ANKRD55: variants seen among roughly 807,000 people sequenced by gnomAD.
ANKRD55 encodes ankyrin repeat domain 55, also known as ankyrin repeat domain-containing protein 55.
ANKRD55 carries 41 observed loss-of-function variants against 60.6 expected under a neutral mutation model. The ratio of observed to expected loss-of-function variants is 0.68; its 90% confidence interval spans 0.53 to 0.88. The LOEUF (loss-of-function observed/expected upper bound fraction) is 0.88. Ranked by LOEUF, ANKRD55 falls within the 40% of genes least tolerant of loss-of-function variation. ANKRD55 has a pLI of 0.00. For synonymous variants in ANKRD55, 264 were observed against 290.3 expected (o/e 0.91, Z 0.92); for missense variants, 732 against 767.6 (o/e 0.95, Z 0.55).
At chr5:56,103,755 A>T (rs1046989197) in intron 10 of ANKRD55, among the ~76,000 whole-genome samples, 8 of 152,374 alleles carry the variant, frequency 5.3e-5, no homozygotes, top group Middle Eastern at 3.4e-3. Flanking sequence ...TTTGCCTATC[A>T]GTCTAGTAAG....
chr5:56,127,019 A>T lies in ANKRD55; in HGVS notation c.700T>A (p.Cys234Ser). 1 of 1,613,950 alleles carries T rather than the reference A, an allele frequency of 6.2e-7. No homozygotes were observed. The highest frequency in any genetic ancestry group is 1.3e-5 in the African/African-American group (1 of 75,008). ...CCCGCTGCCGCTGCGATATGTACACATGTCTTCCCACTCTCATCATCATAG... is the reference window on the plus strand; with the variant it reads ...CCCGCTGCCGCTGCGATATGTACACTTGTCTTCCCACTCTCATCATCATAG... ...INYDDESGKT[C>S]VHIAAAAGFS... is the part of the protein sequence containing the mutation. The change falls in exon 8 of 12, where the codon TGT becomes AGT. Residue 234 changes from cysteine (C) to serine (S), a missense_variant. Cys to Ser is a moderately radical substitution (Grantham distance 112). Around this residue, in one of 3 missense-constraint regions of ANKRD55, gnomAD observed 597 missense variants for 607.5 expected, o/e 0.98. Transcript: ENST00000341048.
At chr5:56,129,898 A>G (rs1757365701) in intron 7 of ANKRD55, among the ~76,000 whole-genome samples, 2 of 152,222 alleles carry the variant, frequency 1.3e-5, no homozygotes, top group Non-Finnish European at 2.9e-5. Flanking sequence ...ATGTGAGAAG[A>G]TGATCCTGGC....
At chr5:56,166,139 T>TTTC (rs1758461374) in intron 5 of ANKRD55, among the ~76,000 whole-genome samples, 2 of 100,942 alleles carry the variant, frequency 2.0e-5, no homozygotes, top group African/African-American at 1.1e-4. Context: ...TCTTTCTTTC[T>TTTC]TTCTTTCTTT....
At chr5:56,151,737 C>T (rs2111776441) in intron 6 of ANKRD55, among the ~76,000 whole-genome samples, 1 of 151,406 alleles carries the variant, frequency 6.6e-6, no homozygotes, top group South Asian at 2.1e-4. Flanking sequence ...CACTTGAACC[C>T]AAGAGGCGGA....
intron 2 of ANKRD55, among the ~76,000 whole-genome samples, chr5:56,190,326 T>C (rs1040838930): frequency 1.3e-5 from 2 of 152,226 alleles, no homozygotes; most frequent in Admixed American, 1.3e-4. Flanking sequence ...CTTTTAATTT[T>C]GATGTAGTCT....
At chr5:56,135,263 T>TTCCTTCC (rs1757535337) in intron 7 of ANKRD55, among the ~76,000 whole-genome samples, 1 of 92,054 alleles carries the variant, frequency 1.1e-5, no homozygotes, top group African/African-American at 4.5e-5. Flanking sequence ...TCCTTCCTTC[T>TTCCTTCC]TTCCCTCCCT....
chr5:56,223,926 C>A (rs1402634624), intron 2 of ANKRD55, among the ~76,000 whole-genome samples: 1 of 152,074 alleles, frequency 6.6e-6, no homozygotes, highest in Non-Finnish European at 1.5e-5. Flanking sequence ...TAGACAGATC[C>A]ATGAGACAGA....
At chr5:56,129,442 TG>T (rs1418947152) in intron 7 of ANKRD55, among the ~76,000 whole-genome samples, 11 of 152,326 alleles carry the variant, frequency 7.2e-5, no homozygotes, top group African/African-American at 2.6e-4. Flanking sequence ...ATTGCCTTCA[TG>T]TATTCTGAAA....
intron 5 of ANKRD55, 58 bp downstream of exon 5, chr5:56,170,636 C>G (rs1758589637): frequency 7.3e-7 from 1 of 1,369,184 alleles, no homozygotes; most frequent in Middle Eastern, 1.8e-4. Context: ...ATTAGATGAC[C>G]TTCTCATACA....
chr5:56,186,900 A>G (rs904180618), intron 2 of ANKRD55, among the ~76,000 whole-genome samples: 10 of 152,206 alleles, frequency 6.6e-5, no homozygotes, highest in African/African-American at 1.9e-4. Context: ...TTCAGGAGGA[A>G]GATCCTGGTG....
In ANKRD55 at chr5:56,193,175, G is replaced by A. The variant is rs1030471703; in HGVS notation, c.59-9541C>T. 9.8e-6 allele frequency: 7 copies of A among 711,640 alleles called. No individual in the cohort carries two copies. In the African/African-American group the frequency reaches 1.1e-4, roughly 11 times the overall value. 44.1% of individuals were successfully genotyped at this position (711,640 alleles called of 1,614,324 possible). The stretch of plus-strand genomic sequence containing the variant: ...TGTAAAACAGGGCTGTATGAGTGGA[G>A]GAGCAGGATATTTACTAAGCAAAGA... On this transcript the variant is annotated intron_variant, in intron 2 of 11. Transcript: ENST00000341048.
At chr5:56,175,093 C>T (rs1451226854) in intron 4 of ANKRD55, among the ~76,000 whole-genome samples, 1 of 152,182 alleles carries the variant, frequency 6.6e-6, no homozygotes, top group Non-Finnish European at 1.5e-5. Flanking sequence ...AATTTCTTCC[C>T]AGATTTGCAT....
intron 6 of ANKRD55, among the ~76,000 whole-genome samples, chr5:56,151,005 T>C (rs369035608): frequency 4.6e-5 from 7 of 152,356 alleles, no homozygotes; most frequent in African/African-American, 1.7e-4. Flanking sequence ...ATTTTTCCTT[T>C]TTGATATTTT....
At chr5:56,155,309 A>G (rs952951908) in intron 6 of ANKRD55, among the ~76,000 whole-genome samples, 2 of 152,176 alleles carry the variant, frequency 1.3e-5, no homozygotes, top group Non-Finnish European at 2.9e-5. Context: ...GAAGCAAAGA[A>G]CAAAAAGCAG....
intron 2 of ANKRD55, among the ~76,000 whole-genome samples, chr5:56,216,474 C>T (rs1316506797): frequency 6.6e-6 from 1 of 152,158 alleles, no homozygotes; most frequent in Non-Finnish European, 1.5e-5. Context: ...TGATTAAGCT[C>T]AATGAGGAAG....
intron 5 of ANKRD55, among the ~76,000 whole-genome samples, chr5:56,165,648 C>A (rs549662226): frequency 6.6e-6 from 1 of 152,074 alleles, no homozygotes; most frequent in Non-Finnish European, 1.5e-5. Context: ...GTACTTACTT[C>A]GCCAGGTGTG....
In ANKRD55 at chr5:56,210,560, C is replaced by CAAA. The variant is rs59566826; in HGVS notation, c.58+22293_58+22295dup. ...TGGGCGACAGAGCGAGACTACGTCT[C>CAAA]AAAAAAAAAAAAAAAAAAAAAAAAA... On this transcript the variant is annotated intron_variant, in intron 2 of 11. Coordinates refer to ENST00000341048, the MANE Select transcript of ANKRD55 (RefSeq NM_024669.3). 2.2e-3 allele frequency among the ~76,000 whole-genome samples: 146 copies of CAAA among 65,104 alleles called. 1 individual carries two copies. Among genetic ancestry groups the CAAA allele is most frequent in the Middle Eastern group, 9.1e-3 (1 of 110 alleles). 42.7% of individuals were successfully genotyped at this position (65,104 alleles called of 152,430 possible).
At chr5:56,222,467 C>T (rs879532293) in intron 2 of ANKRD55, among the ~76,000 whole-genome samples, 7 of 152,144 alleles carry the variant, frequency 4.6e-5, no homozygotes, top group Admixed American at 6.5e-5. Flanking sequence ...TGCAGCTCCT[C>T]GCCAGCAATG....
chr5:56,116,822 T>C (rs774404554), intron 8 of ANKRD55, 40 bp from the exon 9 acceptor site: 1 of 1,519,050 alleles, frequency 6.6e-7, no homozygotes, highest in East Asian at 2.5e-5. Flanking sequence ...CGTCTGAGCA[T>C]GTGAATTGTT....
Sources: gnomAD v4.1 joint callset for allele counts (sites outside exome capture counted in the v4.1 genomes callset) on GRCh38, gnomAD v4.1.1 for gene constraint, gnomAD v4.1.1 regional missense constraint, MANE v1.5 for transcripts, NCBI Gene and HGNC (gene_info 2026-07-23, HGNC 2026-07-21) for gene names.